The following C14orf39 variants were observed in gnomAD, a reference collection of about 807,000 sequenced individuals.
C14orf39 encodes protein SIX6OS1.
Under a neutral mutation model 85.6 loss-of-function variants are expected in C14orf39, and 66 were observed. The ratio of observed to expected loss-of-function variants is 0.77; its 90% CI spans 0.63 to 0.95. The LOEUF is 0.95. Among genes scored for constraint, C14orf39 ranks in the 40% least tolerant of loss-of-function variants. The pLI, the probability that C14orf39 is intolerant of heterozygous loss-of-function variation, is 0.00. For missense variants in C14orf39, 735 were observed against 663.9 expected (o/e 1.11, Z -1.18); for synonymous variants, 242 against 214.0 (o/e 1.13, Z -1.14).
chr14:60,437,830 TAA>T (rs1366183353), intron 17 of C14orf39, among the ~76,000 whole-genome samples: 2 of 151,982 alleles, frequency 1.3e-5, no homozygotes, highest in Non-Finnish European at 2.9e-5. Context: ...GACAGAACAT[TAA>T]AAAGAGTTCT....
intron 8 of C14orf39, among the ~76,000 whole-genome samples, chr14:60,469,331 T>C (rs1891954017): frequency 6.8e-6 from 1 of 147,808 alleles, no homozygotes; most frequent in African/African-American, 2.4e-5. Context: ...TAATATAAAA[T>C]ATATTAATAA....
At chr14:60,506,432 G>C (rs1438824451) in intron 1 of C14orf39, among the ~76,000 whole-genome samples, 3 of 152,202 alleles carry the variant, frequency 2.0e-5, no homozygotes, top group Non-Finnish European at 4.4e-5. Context: ...ACACCTTAAA[G>C]GTGGGGTGAG....
chr14:60,471,549 T>C lies in C14orf39; in HGVS notation c.511+3A>G, dbSNP rs542382341. 310 of 1,589,156 alleles carry C rather than the reference T, an allele frequency of 2.0e-4. No individual in the cohort carries two copies. The highest frequency in any genetic ancestry group is 1.5e-3 in the Middle Eastern group (9 of 5,920). ...TAAAACAATATAACAAAAATATTAATACCTCGAAATTTCATAAAAATTGTT... is the reference window on the plus strand; with the variant it reads ...TAAAACAATATAACAAAAATATTAACACCTCGAAATTTCATAAAAATTGTT... On this transcript the variant is annotated splice_donor_region_variant and intron_variant, in intron 6 of 17. Transcript: ENST00000321731.
Position 60,468,525 on chromosome 14 carries a change from C to A in C14orf39, c.687G>T (p.Arg229Ser), listed in dbSNP as rs1891908376. 1 of 1,569,916 alleles carries A rather than the reference C, an allele frequency of 6.4e-7. No individual in the cohort carries two copies. Among genetic ancestry groups the A allele is most frequent in the Non-Finnish European group, 8.6e-7 (1 of 1,157,292 alleles). The change falls in exon 9 of 18, where the codon AGG becomes AGT. Residue 229 changes from arginine to serine, a missense_variant. Arg to Ser is a moderately radical substitution (Grantham distance 110). Coordinates refer to ENST00000321731, the MANE Select transcript of C14orf39 (RefSeq NM_174978.3). ...EINYLNQQIS[R>S]HNETKALSET... Reference sequence around the variant, plus strand: ...CTGAAAGAGCCTTAGTTTCATTATGCCTAGATATCTGCTAAAAAGACAATT... The same window carrying A: ...CTGAAAGAGCCTTAGTTTCATTATGACTAGATATCTGCTAAAAAGACAATT...
At chr14:60,469,725 A>T in intron 7 of C14orf39, 72 bp from the exon 8 acceptor site, 2 of 683,354 alleles carry the variant, frequency 2.9e-6, no homozygotes, top group Non-Finnish European at 2.1e-6. Context: ...ATCAGAAATG[A>T]TTAATATTAT....
intron 1 of C14orf39, among the ~76,000 whole-genome samples, chr14:60,513,446 G>A (rs1401844708): frequency 6.6e-6 from 1 of 152,208 alleles, no homozygotes; most frequent in Non-Finnish European, 1.5e-5. Context: ...GAGATTGAGT[G>A]CCTCCTTAAA....
At position 60,483,761 on chromosome 14, in the gene C14orf39, T is replaced by C. The variant is rs775026538; in HGVS notation, c.163A>G (p.Ile55Val). The C allele has an allele frequency of 1.1e-5, 18 of 1,573,142 alleles. No individual in the cohort carries two copies. In the South Asian group the frequency reaches 1.7e-4, roughly 15 times the overall value. ...TCAATTTCCTCATCTGTTGCATTTA[T>C]AGTTTCGTGTATCCTACAAATAGTT... Reference protein sequence around the residue: ...KVTICRIHETINATDEEIDHY... With the variant: ...KVTICRIHETVNATDEEIDHY... Residue 55 changes from isoleucine to valine, a missense_variant, in exon 4 of 18, where the codon ATA becomes GTA. Transcript: ENST00000321731.
intron 14 of C14orf39, 87 bp downstream of exon 14, chr14:60,458,591 C>T (rs1891382370): frequency 1.1e-6 from 1 of 889,848 alleles, no homozygotes; most frequent in Non-Finnish European, 1.8e-6. Flanking sequence ...TCACATAAAT[C>T]ACTGTACTAA....
intron 1 of C14orf39, among the ~76,000 whole-genome samples, chr14:60,507,168 C>T (rs918762340): frequency 6.6e-6 from 1 of 152,136 alleles, no homozygotes; most frequent in Admixed American, 6.5e-5. Context: ...CGAGCAATAG[C>T]CGGCAAAGTA....
intron 1 of C14orf39, among the ~76,000 whole-genome samples, chr14:60,501,404 G>A (rs1271791824): frequency 6.6e-6 from 1 of 151,352 alleles, no homozygotes; most frequent in Admixed American, 6.6e-5. Flanking sequence ...GAGAAAGTAA[G>A]GCAAAGAAGG....
At chr14:60,465,121 T>A (rs1891724259) in intron 11 of C14orf39, among the ~76,000 whole-genome samples, 1 of 152,140 alleles carries the variant, frequency 6.6e-6, no homozygotes, top group Non-Finnish European at 1.5e-5. Context: ...AAAATAGAAC[T>A]CTGGTAAACT....
At chr14:60,460,883 A>T (rs1156447098) in intron 13 of C14orf39, among the ~76,000 whole-genome samples, 1 of 151,890 alleles carries the variant, frequency 6.6e-6, no homozygotes, top group Admixed American at 6.6e-5. Context: ...ATAGTAAAAG[A>T]ACTGAAAAAA....
chr14:60,485,160 C>A, intron 1 of C14orf39, 74 bp from the exon 2 acceptor site: 1 of 1,243,362 alleles, frequency 8.0e-7, no homozygotes. Flanking sequence ...TCGTAACGAC[C>A]TTTTCAATAT....
intron 4 of C14orf39, among the ~76,000 whole-genome samples, chr14:60,479,501 C>G (rs2140149411): frequency 6.6e-6 from 1 of 152,262 alleles, no homozygotes. Context: ...CACAATATAA[C>G]TATCTCATAA....
intron 11 of C14orf39, among the ~76,000 whole-genome samples, chr14:60,464,918 C>T (rs1488297728): frequency 1.3e-5 from 2 of 152,038 alleles, no homozygotes; most frequent in Non-Finnish European, 2.9e-5. Context: ...TTTTTACCCC[C>T]ATTACTGTCT....
rs751596109 is a variant in C14orf39, at chr14:60,458,716, T to TC, written c.1140dup (p.Thr381AspfsTer18). ...TTTGATTCTCTTACTTGTCTTACTG[T>TC]CCCTTTATCTCCATACTCAGCATCT... On this transcript the variant is annotated frameshift_variant, in exon 14 of 18. Transcript: ENST00000321731. LOFTEE classifies it high-confidence loss of function. 5 of 1,602,556 alleles carry TC rather than the reference T, an allele frequency of 3.1e-6. No individual in the cohort carries two copies. In the South Asian group the frequency reaches 5.6e-5, roughly 18 times the overall value.
chr14:60,471,440 T>A lies in C14orf39; in HGVS notation c.531A>T (p.Ser177=). The A allele has an allele frequency of 1.9e-6, 3 of 1,599,136 alleles. No homozygotes were observed. Among genetic ancestry groups the A allele is most frequent in the Non-Finnish European group, 2.6e-6 (3 of 1,172,868 alleles). ...MKFRVPAPFP[S]LTKWTLNIVN... ...ACATGTTTAAAGTCCATTTAGTAAG[T>A]GATGGAAAGGGAGCAGGCACTGAAA... The change falls in exon 7 of 18, where the codon TCA becomes TCT. Residue 177 remains serine (S), a synonymous_variant. Coordinates refer to ENST00000321731, the MANE Select transcript of C14orf39 (RefSeq NM_174978.3).
rs548757320 is a variant in C14orf39, at chr14:60,498,251, T to C, written c.-9+1045A>G. 4.6e-5 allele frequency among the ~76,000 whole-genome samples: 7 copies of C among 152,376 alleles called. No homozygotes were observed. In the South Asian group the frequency reaches 1.2e-3, roughly 27 times the overall value. ...ACAAAATAATGCACATATTCTTTAC[T>C]ATATCATTAAAACTCTTGGGCTCCC... On this transcript the variant is annotated intron_variant, in intron 2 of 5. Transcript: ENST00000556799.
chr14:60,475,869 C>T (rs1410722779), intron 5 of C14orf39, among the ~76,000 whole-genome samples: 3 of 152,096 alleles, frequency 2.0e-5, no homozygotes, highest in South Asian at 2.1e-4. Context: ...ATAGTCCTTA[C>T]ATTCCTCAAG....
Sources: gnomAD v4.1 joint callset for allele counts (sites outside exome capture counted in the v4.1 genomes callset) on GRCh38, gnomAD v4.1.1 for gene constraint, MANE v1.5 for transcripts, NCBI Gene and HGNC (gene_info 2026-07-23, HGNC 2026-07-21) for gene names.